Variants in COL4A1 observed in about 807,000 individuals in gnomAD.
The protein encoded by COL4A1 is collagen type IV alpha 1 chain, also known as collagen alpha-1(IV) chain.
In COL4A1, 40 loss-of-function variants were observed where a neutral mutation model predicts 216.6. The observed-to-expected ratio is 0.18, with a 90% confidence interval of 0.14 to 0.24. COL4A1 has a LOEUF of 0.24. COL4A1 is among the 10% of genes least tolerant of loss of function. The pLI is 1.00. For synonymous variants in COL4A1, 839 were observed against 810.7 expected (o/e 1.03, Z -0.59); for missense variants, 1,628 against 2,196.8 (o/e 0.74, Z 5.18).
chr13:110,164,795 A>T, intron 46 of COL4A1, 67 bp downstream of exon 46: 1 of 1,583,692 alleles, frequency 6.3e-7, no homozygotes, highest in Middle Eastern at 2.0e-4. Context: ...TACATGGGTG[A>T]GGAGGAACTC....
chr13:110,275,643 AACC>A (rs1420149919), intron 1 of COL4A1, among the ~76,000 whole-genome samples: 5 of 152,228 alleles, frequency 3.3e-5, no homozygotes. Context: ...GCTCGGGGGC[AACC>A]ACCACGTCTT....
At chr13:110,203,674 T>A (rs1402325950) in intron 17 of COL4A1, 67 bp from the exon 18 acceptor site, 15 of 1,544,914 alleles carry the variant, frequency 9.7e-6, no homozygotes, top group Non-Finnish European at 1.3e-5. Context: ...GAAAGCAGAT[T>A]AAACATTTCT....
At chr13:110,260,534 A>C (rs1882772099) in intron 1 of COL4A1, among the ~76,000 whole-genome samples, 1 of 152,220 alleles carries the variant, frequency 6.6e-6, no homozygotes, top group South Asian at 2.1e-4. Flanking sequence ...ACCAAGTGTC[A>C]CCACGGCAAG....
intron 37 of COL4A1, 21 bp downstream of exon 37, chr13:110,175,197 T>C (rs1462812719): frequency 6.2e-7 from 1 of 1,614,124 alleles, no homozygotes; most frequent in Admixed American, 1.7e-5. Flanking sequence ...AGGGGACCTT[T>C]CCACGCAGAG....
intron 49 of COL4A1, among the ~76,000 whole-genome samples, chr13:110,159,848 T>C (rs1876986289): frequency 6.6e-6 from 1 of 152,028 alleles, no homozygotes; most frequent in African/African-American, 2.4e-5. Flanking sequence ...AACAGGCCAG[T>C]GACAAAAGGA....
At chr13:110,300,636 A>G (rs1321579083) in intron 1 of COL4A1, among the ~76,000 whole-genome samples, 1 of 152,242 alleles carries the variant, frequency 6.6e-6, no homozygotes, top group East Asian at 1.9e-4. Flanking sequence ...TGAAATGAAA[A>G]TAGAGCAACT....
At chr13:110,224,140 T>C (rs1333894927) in intron 2 of COL4A1, among the ~76,000 whole-genome samples, 1 of 152,192 alleles carries the variant, frequency 6.6e-6, no homozygotes, top group Admixed American at 6.5e-5. Flanking sequence ...AGTCTGCACA[T>C]GAAATCACGC....
At chr13:110,203,522 T>TC (rs554252278) in intron 18 of COL4A1, 44 bp downstream of exon 18, 1 of 1,606,844 alleles carries the variant, frequency 6.2e-7, no homozygotes. Flanking sequence ...CTCTCCTTCC[T>TC]CCCCCAGCGC....
intron 1 of COL4A1, among the ~76,000 whole-genome samples, chr13:110,250,482 C>T (rs1281648243): frequency 6.6e-6 from 1 of 152,158 alleles, no homozygotes; most frequent in Non-Finnish European, 1.5e-5. Context: ...TCATGTTTCA[C>T]TTCTTTTCTT....
intron 28 of COL4A1, among the ~76,000 whole-genome samples, chr13:110,182,033 C>A (rs568120923): frequency 1.3e-5 from 2 of 152,352 alleles, no homozygotes; most frequent in Non-Finnish European, 2.9e-5. Context: ...GTCCTCCTCA[C>A]TGCCACAAAG....
At chr13:110,267,137 C>A (rs1189373607) in intron 1 of COL4A1, among the ~76,000 whole-genome samples, 2 of 152,164 alleles carry the variant, frequency 1.3e-5, no homozygotes, top group African/African-American at 2.4e-5. Flanking sequence ...GCACAAAGAG[C>A]ACAATGAGCC....
At chr13:110,182,868 G>C (rs1453927948) in intron 28 of COL4A1, 125 bp downstream of exon 28, 3 of 846,646 alleles carry the variant, frequency 3.5e-6, no homozygotes, top group Admixed American at 2.2e-5. Flanking sequence ...CACTGCTTGG[G>C]CTCTTCTGAA....
intron 1 of COL4A1, among the ~76,000 whole-genome samples, chr13:110,287,480 G>A (rs761530035): frequency 6.6e-6 from 1 of 152,302 alleles, no homozygotes; most frequent in Non-Finnish European, 1.5e-5. Flanking sequence ...GCCAAGACTC[G>A]GTTTTTCCAT....
intron 24 of COL4A1, 107 bp from the exon 25 acceptor site, chr13:110,187,436 T>C (rs888455960): frequency 1.6e-6 from 2 of 1,288,592 alleles, no homozygotes; most frequent in Non-Finnish European, 2.2e-6. Flanking sequence ...TTCTTGAAAA[T>C]GGTCATGCAT....
At chr13:110,269,012 CGGA>C (rs2308061) in intron 1 of COL4A1, among the ~76,000 whole-genome samples, 14,131 of 152,192 alleles carry the variant, frequency 0.093, 845 homozygotes, top group East Asian at 0.31. Flanking sequence ...TCTTGGCGCA[CGGA>C]GAACTGATCC....
At chr13:110,167,328 T>A in intron 43 of COL4A1, 98 bp from the exon 44 acceptor site, 1 of 907,116 alleles carries the variant, frequency 1.1e-6, no homozygotes, top group African/African-American at 1.6e-5. Flanking sequence ...CCCCTCAATG[T>A]TCTGGAAAGC....
Position 110,307,130 on chromosome 13 carries a change from C to G in COL4A1, c.-103G>C. The G allele has an allele frequency of 2.1e-6, 2 of 931,780 alleles. No homozygotes were observed. Among genetic ancestry groups the G allele is most frequent in the Non-Finnish European group, 2.9e-6 (2 of 680,762 alleles). 57.7% of individuals were successfully genotyped at this position (931,780 alleles called of 1,614,324 possible). A position where few individuals can be genotyped will look rare whatever the true frequency, so the allele number is the denominator to read the frequency against. ...GGACTTCCAGCGCTACGCACCGTCC[C>G]GGGTGCGGCGGCTCCAAGCGGAGAC... On this transcript the variant is annotated 5_prime_UTR_variant, in exon 1 of 52. Coordinates refer to ENST00000375820, the MANE Select transcript of COL4A1 (RefSeq NM_001845.6). The surrounding 1 kb of genome is among the most constrained non-coding windows in gnomAD (Gnocchi z 5.0).
intron 33 of COL4A1, among the ~76,000 whole-genome samples, chr13:110,177,522 T>A (rs1484650664): frequency 6.6e-6 from 1 of 152,218 alleles, no homozygotes; most frequent in Non-Finnish European, 1.5e-5. Context: ...AGGTTGTTAA[T>A]CTGAGCCTAA....
At chr13:110,306,780 G>C (rs1430390611) in intron 1 of COL4A1, among the ~76,000 whole-genome samples, 164 bp downstream of exon 1, 3 of 152,220 alleles carry the variant, frequency 2.0e-5, no homozygotes, top group Admixed American at 2.0e-4. Context: ...CGCGATCGTA[G>C]CCTACAGGGA....
Sources: allele counts gnomAD v4.1 joint callset (sites outside exome capture counted in the v4.1 genomes callset), GRCh38; gene constraint gnomAD v4.1.1; non-coding constraint Gnocchi (gnomAD v3.1); transcripts MANE v1.5; gene names NCBI Gene and HGNC (gene_info 2026-07-23, HGNC 2026-07-21).